Variants in EYS observed in about 807,000 individuals in gnomAD.
The protein encoded by EYS is protein eyes shut homolog.
In EYS, 250 loss-of-function variants were observed where a neutral mutation model predicts 282.1. That is an observed-to-expected ratio of 0.89 (90% CI 0.80 to 0.98). EYS has a LOEUF of 0.98. Among genes scored for constraint, EYS ranks in the 50% least tolerant of loss-of-function variants. The probability of loss-of-function intolerance (pLI) is 0.00; values close to 1 mark genes in which losing one functional copy is unlikely to be tolerated. For missense variants in EYS, 4,016 were observed against 3,709.0 expected (o/e 1.08, Z -2.15); for synonymous variants, 1,355 against 1,282.9 (o/e 1.06, Z -1.20).
chr6:65,327,177 C>T (rs530616109), intron 11 of EYS, among the ~76,000 whole-genome samples: 1 of 151,736 alleles, frequency 6.6e-6, no homozygotes, highest in African/African-American at 2.4e-5. Context: ...ATCCTAAATT[C>T]CACCTTGATA....
intron 13 of EYS, among the ~76,000 whole-genome samples, chr6:65,010,119 A>G (rs1045876742): frequency 6.6e-5 from 10 of 152,184 alleles, no homozygotes; most frequent in Admixed American, 1.3e-4. Context: ...TTGACTTTAT[A>G]TGTCACAGAA....
intron 12 of EYS, among the ~76,000 whole-genome samples, chr6:65,176,826 G>T (rs1765237571): frequency 6.6e-6 from 1 of 151,526 alleles, no homozygotes; most frequent in East Asian, 2.0e-4. Context: ...GAAATTATTT[G>T]CATTAAGTTG....
intron 35 of EYS, among the ~76,000 whole-genome samples, chr6:63,911,307 G>T (rs1445752893): frequency 6.6e-6 from 1 of 152,176 alleles, no homozygotes; most frequent in Non-Finnish European, 1.5e-5. Flanking sequence ...TGTCCCAGAG[G>T]TATATATGTC....
rs191922000 is a variant in EYS, at chr6:65,447,210, A to G, written c.863-41843T>C. 5.7e-3 allele frequency among the ~76,000 whole-genome samples: 860 copies of G among 150,796 alleles called. 13 individuals are homozygous for G. The highest frequency in any genetic ancestry group is 0.019 in the African/African-American group (768 of 41,328). On this transcript the variant is annotated intron_variant, in intron 5 of 42. Coordinates refer to ENST00000503581, the MANE Select transcript of EYS (RefSeq NM_001142800.2). ...TTTGCTTAATCATCTGTCTTCCCCA[A>G]TGTTGCAATATTTGTGAGGGTAGGT...
chr6:65,262,472 G>A (rs551473369), intron 12 of EYS, among the ~76,000 whole-genome samples: 8 of 152,126 alleles, frequency 5.3e-5, no homozygotes, highest in Admixed American at 5.2e-4. Flanking sequence ...ATGACATTTT[G>A]TTACTCGAGA....
intron 31 of EYS, among the ~76,000 whole-genome samples, chr6:64,151,358 T>TATAA (rs1774724228): frequency 1.7e-5 from 2 of 119,982 alleles, no homozygotes; most frequent in South Asian, 2.4e-4. Context: ...TATATATATA[T>TATAA]ATATAATTTT....
intron 1 of EYS, among the ~76,000 whole-genome samples, chr6:65,652,527 A>G (rs1767693145): frequency 6.6e-6 from 1 of 151,990 alleles, no homozygotes; most frequent in African/African-American, 2.4e-5. Flanking sequence ...TGTTCAAATC[A>G]CAGAAAGGAC....
At chr6:65,297,260 C>T (rs2150287230) in intron 11 of EYS, among the ~76,000 whole-genome samples, 1 of 151,784 alleles carries the variant, frequency 6.6e-6, no homozygotes, top group East Asian at 1.9e-4. Flanking sequence ...ATTCAAAGGG[C>T]ACTTAACATT....
At position 64,590,607 on chromosome 6, in the gene EYS, GA is replaced by G; in HGVS notation, c.5259del (p.Pro1754ArgfsTer5). 6.4e-7 allele frequency: 1 copy of G among 1,551,266 alleles called. No individual in the cohort carries two copies. The highest frequency in any genetic ancestry group is 8.7e-7 in the Non-Finnish European group (1 of 1,146,734). On this transcript the variant is annotated frameshift_variant, in exon 26 of 43. Transcript: ENST00000503581. LOFTEE classifies it high-confidence loss of function. ...GAATATGTCTTTAAAGTAACATCCG[GA>G]TAAATTTGTAAGTTTAACTCAAAAT... ...SLDFELNLQI[Y>X]PDVTLKTYSE...
intron 22 of EYS, among the ~76,000 whole-genome samples, chr6:64,730,530 G>C (rs1771924282): frequency 6.6e-6 from 1 of 152,120 alleles, no homozygotes; most frequent in African/African-American, 2.4e-5. Context: ...CCAGGCTGGA[G>C]TGCAGTGGCG....
chr6:63,843,445 T>C (rs1301771539), intron 36 of EYS, among the ~76,000 whole-genome samples: 1 of 152,222 alleles, frequency 6.6e-6, no homozygotes, highest in African/African-American at 2.4e-5. Flanking sequence ...TTTTCGCACA[T>C]TGATTTTACA....
At chr6:64,071,699 A>ACAT (rs1771586652) in intron 32 of EYS, among the ~76,000 whole-genome samples, 1 of 150,130 alleles carries the variant, frequency 6.7e-6, no homozygotes, top group South Asian at 2.2e-4. Context: ...ATGCTAAATG[A>ACAT]CATGTGTTTT....
intron 22 of EYS, among the ~76,000 whole-genome samples, chr6:64,635,114 G>C (rs929221252): frequency 6.6e-6 from 1 of 151,916 alleles, no homozygotes; most frequent in Admixed American, 6.6e-5. Flanking sequence ...TCATGATTTG[G>C]CTCTCTGTTT....
At chr6:64,183,745 T>C (rs998292094) in intron 31 of EYS, among the ~76,000 whole-genome samples, 10 of 152,156 alleles carry the variant, frequency 6.6e-5, no homozygotes, top group African/African-American at 1.7e-4. Context: ...TTATTTCATA[T>C]GGATTGATTG....
chr6:64,825,515 C>T (rs1177480336), intron 19 of EYS, among the ~76,000 whole-genome samples: 1 of 151,746 alleles, frequency 6.6e-6, no homozygotes, highest in Admixed American at 6.6e-5. Flanking sequence ...TTTTGTTTTA[C>T]AGATATCTGT....
intron 14 of EYS, among the ~76,000 whole-genome samples, chr6:64,988,798 A>G (rs1380769598): frequency 6.6e-6 from 1 of 151,650 alleles, no homozygotes; most frequent in African/African-American, 2.4e-5. Flanking sequence ...TCATGTAAAA[A>G]TATAAGCTTA....
chr6:64,932,691 A>C (rs1019357019), intron 15 of EYS, among the ~76,000 whole-genome samples: 1 of 152,022 alleles, frequency 6.6e-6, no homozygotes. Context: ...TACAGTTGTA[A>C]ACTGCCTGGC....
At chr6:65,475,148 CAT>C (rs142700800) in intron 5 of EYS, among the ~76,000 whole-genome samples, 1 of 151,128 alleles carries the variant, frequency 6.6e-6, no homozygotes, top group African/African-American at 2.4e-5. Flanking sequence ...GTTCAACTGT[CAT>C]ATATATATAT....
intron 26 of EYS, among the ~76,000 whole-genome samples, chr6:64,538,482 T>C (rs748042531): frequency 5.3e-5 from 8 of 152,206 alleles, no homozygotes; most frequent in Non-Finnish European, 1.0e-4. Flanking sequence ...CATATAGTGT[T>C]TTTGCTTTTC....
Sources: allele counts gnomAD v4.1 joint callset (sites outside exome capture counted in the v4.1 genomes callset), GRCh38; gene constraint gnomAD v4.1.1; transcripts MANE v1.5; gene names NCBI Gene and HGNC (gene_info 2026-07-23, HGNC 2026-07-21).